Variants in ADGRL2 observed in about 807,000 individuals in gnomAD.
ADGRL2 encodes the protein calcium-independent alpha-latrotoxin receptor 2.
Under a neutral mutation model 157.4 loss-of-function variants are expected in ADGRL2, and 44 were observed. That is an observed-to-expected ratio of 0.28 (90% CI 0.22 to 0.36). The LOEUF (loss-of-function observed/expected upper bound fraction) is 0.36. ADGRL2 is among the 10% of genes least tolerant of loss of function. The pLI is 1.00. For synonymous variants in ADGRL2, 585 were observed against 624.7 expected, an observed-to-expected ratio of 0.94 and a Z score of 0.95; for missense variants, 1,510 against 1,768.9, an observed-to-expected ratio of 0.85 and a Z score of 2.63.
intron 1 of ADGRL2, among the ~76,000 whole-genome samples, chr1:81,314,587 C>G (rs1358976449): frequency 1.3e-5 from 2 of 152,196 alleles, no homozygotes; most frequent in Non-Finnish European, 2.9e-5. Context: ...TCAACACAAA[C>G]ATGCTTCCTT....
chr1:81,512,987 T>C (rs1162178975), intron 2 of ADGRL2, among the ~76,000 whole-genome samples: 1 of 152,170 alleles, frequency 6.6e-6, no homozygotes, highest in African/African-American at 2.4e-5. Flanking sequence ...TGGTATCTGA[T>C]AGAGAAAAAT....
chr1:81,742,753 A>G (rs998453741), intron 1 of ADGRL2, among the ~76,000 whole-genome samples: 19 of 152,068 alleles, frequency 1.2e-4, no homozygotes, highest in Non-Finnish European at 2.4e-4. Flanking sequence ...GAATGTCTCT[A>G]TGTTTGCAAG....
At chr1:81,335,765 A>T in intron 1 of ADGRL2, among the ~76,000 whole-genome samples, 1 of 151,844 alleles carries the variant, frequency 6.6e-6, no homozygotes, top group East Asian at 1.9e-4. Flanking sequence ...TCCTTTAGTT[A>T]TTCTACACGT....
At chr1:81,923,630 C>G (rs1250470700) in intron 3 of ADGRL2, among the ~76,000 whole-genome samples, 1 of 151,984 alleles carries the variant, frequency 6.6e-6, no homozygotes, top group Non-Finnish European at 1.5e-5. Flanking sequence ...GAAATGACAA[C>G]TAGTGTATAC....
At chr1:81,985,907 T>C (rs1195043146) in intron 21 of ADGRL2, among the ~76,000 whole-genome samples, 1 of 152,034 alleles carries the variant, frequency 6.6e-6, no homozygotes, top group East Asian at 1.9e-4. Flanking sequence ...AAAAATTATA[T>C]GGTATTGTAT....
chr1:81,654,656 C>T (rs1443677146), intron 3 of ADGRL2, among the ~76,000 whole-genome samples: 1 of 152,214 alleles, frequency 6.6e-6, no homozygotes, highest in Middle Eastern at 3.2e-3. Context: ...CATCGTCCCT[C>T]TGCCTTTTTT....
chr1:81,416,766 G>T (rs2077040754), intron 1 of ADGRL2, among the ~76,000 whole-genome samples: 1 of 152,056 alleles, frequency 6.6e-6, no homozygotes, highest in African/African-American at 2.4e-5. Flanking sequence ...AATACTACGG[G>T]TTTACTTTAA....
intron 2 of ADGRL2, chr1:81,506,402 CA>C (rs2078976678): frequency 6.6e-6 from 1 of 152,098 alleles, no homozygotes; most frequent in African/African-American, 2.4e-5. Context: ...CACTGTATCT[CA>C]GATGGAGTTT....
At chr1:81,455,604 T>G (rs752583400) in intron 2 of ADGRL2, among the ~76,000 whole-genome samples, 3 of 152,208 alleles carry the variant, frequency 2.0e-5, no homozygotes, top group African/African-American at 7.2e-5. Flanking sequence ...GTTCTGCTTA[T>G]TTGTTTTTTA....
At chr1:81,945,117 TA>T (rs1478543106) in intron 6 of ADGRL2, among the ~76,000 whole-genome samples, 1 of 152,096 alleles carries the variant, frequency 6.6e-6, no homozygotes, top group Non-Finnish European at 1.5e-5. Context: ...TTAGGGCATA[TA>T]ATTTTATTGA....
chr1:81,372,569 G>C (rs944398541), intron 1 of ADGRL2, among the ~76,000 whole-genome samples: 2 of 152,036 alleles, frequency 1.3e-5, no homozygotes, highest in East Asian at 1.9e-4. Context: ...GATGTTTTTG[G>C]CTTCCTTTGC....
At chr1:81,754,559 CTTTCTT>C (rs1299957218) in intron 1 of ADGRL2, among the ~76,000 whole-genome samples, 1 of 104,272 alleles carries the variant, frequency 9.6e-6, no homozygotes, top group African/African-American at 3.1e-5. Context: ...TTCTTTCTCT[CTTTCTT>C]TCTTTCCTCC....
chr1:81,400,588 C>A (rs543361187), intron 1 of ADGRL2, among the ~76,000 whole-genome samples: 2 of 152,186 alleles, frequency 1.3e-5, no homozygotes, highest in South Asian at 4.2e-4. Flanking sequence ...GTCTCAGTGG[C>A]AGTGTGGGTC....
chr1:81,442,082 C>T (rs981050304), intron 1 of ADGRL2, among the ~76,000 whole-genome samples: 1 of 152,194 alleles, frequency 6.6e-6, no homozygotes, highest in Non-Finnish European at 1.5e-5. Flanking sequence ...AATCCTCCCT[C>T]CTCAACTTCC....
rs190448059 is a variant in ADGRL2 at position 81,916,006 on chromosome 1, T to G, written c.287+8776T>G. The stretch of plus-strand genomic sequence containing the variant: ...GTTTTTCACTCACCTAGAACATTCC[T>G]TCCTGTACACTAAAACATCGGTTTC... On this transcript the variant is annotated intron_variant, in intron 3 of 23. Coordinates refer to ENST00000686636, the MANE Select transcript of ADGRL2 (RefSeq NM_001366006.2). 1.3e-4 allele frequency among the ~76,000 whole-genome samples: 20 copies of G among 152,302 alleles called. No individual in the cohort carries two copies. In the East Asian group the frequency reaches 3.9e-3, roughly 29 times the overall value.
chr1:81,721,922 G>A (rs2084338130), intron 1 of ADGRL2: 1 of 691,534 alleles, frequency 1.4e-6, no homozygotes, highest in Non-Finnish European at 2.7e-6. Context: ...CATCAAGTGA[G>A]GAAAGTGATC....
chr1:81,693,596 A>G (rs1429879576), intron 3 of ADGRL2, among the ~76,000 whole-genome samples: 1 of 152,222 alleles, frequency 6.6e-6, no homozygotes, highest in Non-Finnish European at 1.5e-5. Context: ...GGGAATGTGG[A>G]CAAAGTTTGG....
intron 1 of ADGRL2, among the ~76,000 whole-genome samples, chr1:81,723,926 A>G (rs1411549006): frequency 6.6e-6 from 1 of 152,130 alleles, no homozygotes; most frequent in Non-Finnish European, 1.5e-5. Context: ...AGGGGAAATG[A>G]GGGAGTACTT....
chr1:81,540,852 G>A (rs2079865660), intron 2 of ADGRL2, among the ~76,000 whole-genome samples: 1 of 152,032 alleles, frequency 6.6e-6, no homozygotes, highest in Admixed American at 6.6e-5. Flanking sequence ...AAAAGAGAAA[G>A]CAGAGAGACC....
Sources: gnomAD v4.1 joint callset for allele counts (sites outside exome capture counted in the v4.1 genomes callset) on GRCh38, gnomAD v4.1.1 for gene constraint, MANE v1.5 for transcripts, NCBI Gene and HGNC (gene_info 2026-07-23, HGNC 2026-07-21) for gene names.